The following CFH variants were observed in gnomAD, a reference collection of about 807,000 sequenced individuals.
CFH encodes the protein complement factor H.
CFH carries 53 observed loss-of-function variants against 147.3 expected under a neutral mutation model. That is an observed-to-expected ratio of 0.36 (90% CI 0.29 to 0.45). The LOEUF is 0.45. Among genes scored for constraint, CFH ranks in the 20% least tolerant of loss-of-function variants. The probability of loss-of-function intolerance (pLI) is 1.00; values close to 1 mark genes in which losing one functional copy is unlikely to be tolerated. For synonymous variants in CFH, 536 were observed against 489.4 expected, an observed-to-expected ratio of 1.10 and a Z score of -1.26; for missense variants, 1,380 against 1,498.0, an observed-to-expected ratio of 0.92 and a Z score of 1.30.
At chr1:196,676,197 G>A (rs1045691296) in intron 4 of CFH, 132 bp downstream of exon 4, 17 of 555,024 alleles carry the variant, frequency 3.1e-5, no homozygotes, top group Non-Finnish European at 5.0e-5. Flanking sequence ...ACAATGTAGA[G>A]TGGGAATCTA....
chr1:196,659,876 T>G (rs1393273033), intron 1 of CFH, among the ~76,000 whole-genome samples: 1 of 152,202 alleles, frequency 6.6e-6, no homozygotes, highest in Non-Finnish European at 1.5e-5. Flanking sequence ...GTATCTGAAG[T>G]GAGAAGACCT....
intron 11 of CFH, among the ~76,000 whole-genome samples, chr1:196,723,884 C>T (rs1016701329): frequency 1.3e-5 from 2 of 151,988 alleles, no homozygotes; most frequent in African/African-American, 4.8e-5. Flanking sequence ...GTGTCTACAC[C>T]AGTCTCCTTT....
At chr1:196,712,152 C>A (rs1337706633) in intron 9 of CFH, among the ~76,000 whole-genome samples, 1 of 152,086 alleles carries the variant, frequency 6.6e-6, no homozygotes, top group African/African-American at 2.4e-5. Flanking sequence ...GTGCTTCCTG[C>A]TTTCCAATGT....
chr1:196,724,540 A>G (rs2149107700), intron 11 of CFH, among the ~76,000 whole-genome samples: 1 of 152,264 alleles, frequency 6.6e-6, no homozygotes. Flanking sequence ...TACACTTTCT[A>G]TGAGGTCCCA....
intron 7 of CFH, among the ~76,000 whole-genome samples, chr1:196,687,538 T>C (rs1667869354): frequency 6.6e-6 from 1 of 152,070 alleles, no homozygotes; most frequent in Admixed American, 6.6e-5. Context: ...ATAAGATGGA[T>C]ACTCATACTT....
chr1:196,741,124 G>A (rs1459636220), intron 18 of CFH: 2 of 300,518 alleles, frequency 6.7e-6, no homozygotes, highest in African/African-American at 4.3e-5. Flanking sequence ...CTGCCTATAA[G>A]TACATTTTCT....
intron 9 of CFH, among the ~76,000 whole-genome samples, chr1:196,705,565 A>G (rs80230951): frequency 2.6e-5 from 4 of 152,344 alleles, no homozygotes; most frequent in African/African-American, 9.6e-5. Flanking sequence ...TGAACTAAGA[A>G]AGCCATTTGA....
intron 5 of CFH, 47 bp downstream of exon 5, chr1:196,677,714 A>G (rs376680152): frequency 1.6e-5 from 24 of 1,526,828 alleles, no homozygotes; most frequent in Non-Finnish European, 2.2e-5. Context: ...TTAAATGTAA[A>G]TATACATTTA....
intron 7 of CFH, 48 bp downstream of exon 7, chr1:196,685,285 T>C (rs766463701): frequency 1.9e-6 from 3 of 1,581,316 alleles, no homozygotes; most frequent in African/African-American, 2.7e-5. Context: ...TGAAATTTCT[T>C]TTAAACACAT....
chr1:196,655,939 T>A (rs779265737), intron 1 of CFH, among the ~76,000 whole-genome samples: 3 of 152,220 alleles, frequency 2.0e-5, no homozygotes, highest in Non-Finnish European at 4.4e-5. Context: ...ACACTTTTAT[T>A]TCTTCTGACA....
chr1:196,694,806 T>G (rs757737563), intron 9 of CFH, among the ~76,000 whole-genome samples: 1 of 152,278 alleles, frequency 6.6e-6, no homozygotes, highest in Non-Finnish European at 1.5e-5. Flanking sequence ...TGTCTTCTTT[T>G]GAGAAGTGTC....
At chr1:196,674,064 A>C (rs1381215474) in intron 3 of CFH, 102 bp downstream of exon 3, 1 of 810,962 alleles carries the variant, frequency 1.2e-6, no homozygotes, top group Non-Finnish European at 2.0e-6. Context: ...ATGAGCATTT[A>C]AAAAAGTAAT....
intron 12 of CFH, 95 bp from the exon 13 acceptor site, chr1:196,726,375 A>G: frequency 1.1e-6 from 1 of 931,896 alleles, no homozygotes; most frequent in Non-Finnish European, 1.7e-6. Context: ...AATGAAGAAT[A>G]CATGAATAAA....
At chr1:196,667,923 A>G (rs1573003439) in intron 1 of CFH, among the ~76,000 whole-genome samples, 2 of 152,166 alleles carry the variant, frequency 1.3e-5, no homozygotes, top group African/African-American at 2.4e-5. Flanking sequence ...TTTTTACCAC[A>G]TCAAGACTAT....
chr1:196,658,057 A>G lies in CFH; in HGVS notation c.58+5882A>G, dbSNP rs117511370. Among the ~76,000 whole-genome samples, 609 of 152,252 alleles carry G rather than the reference A, an allele frequency of 4.0e-3. 25 individuals are homozygous for G. The East Asian group carries it at 0.09, about 22-fold the overall frequency. On this transcript the variant is annotated intron_variant, in intron 1 of 21. Transcript: ENST00000367429. ...GTTTGTATGTCAATAATGCCCCCTTAAAATTTGAAAGTGAAAAAATTAGGT... is the reference window on the plus strand; with the variant it reads ...GTTTGTATGTCAATAATGCCCCCTTGAAATTTGAAAGTGAAAAAATTAGGT...
At chr1:196,735,886 T>G (rs1351873990) in intron 15 of CFH, among the ~76,000 whole-genome samples, 2 of 152,046 alleles carry the variant, frequency 1.3e-5, no homozygotes, top group Non-Finnish European at 2.9e-5. Flanking sequence ...AACGTCTCCC[T>G]GAATTGATAA....
chr1:196,729,710 A>G (rs1413324775), intron 15 of CFH, among the ~76,000 whole-genome samples: 1 of 151,918 alleles, frequency 6.6e-6, no homozygotes, highest in East Asian at 1.9e-4. Context: ...CAATGAAGCC[A>G]TCAGGTCTTG....
At chr1:196,728,297 G>A in intron 14 of CFH, 49 bp from the exon 15 acceptor site, 8 of 1,197,502 alleles carry the variant, frequency 6.7e-6, no homozygotes, top group Non-Finnish European at 9.2e-6. Flanking sequence ...GTAATAGTTG[G>A]TTTGATTCCT....
At chr1:196,683,451 C>A (rs143449281) in intron 6 of CFH, among the ~76,000 whole-genome samples, 1 of 151,460 alleles carries the variant, frequency 6.6e-6, no homozygotes, top group South Asian at 2.1e-4. Flanking sequence ...AAATGTGAGA[C>A]GGGAAAGTGG....
Sources: gnomAD v4.1 joint callset for allele counts (sites outside exome capture counted in the v4.1 genomes callset) on GRCh38, gnomAD v4.1.1 for gene constraint, MANE v1.5 for transcripts, NCBI Gene and HGNC (gene_info 2026-07-23, HGNC 2026-07-21) for gene names.